Variants in SMARCC1 observed in about 807,000 individuals in gnomAD.
SMARCC1 encodes SWI/SNF related BAF chromatin remodeling complex subunit C1.
SMARCC1 carries 43 observed loss-of-function variants against 147.4 expected under a neutral mutation model. The ratio of observed to expected loss-of-function variants is 0.29; its 90% CI spans 0.23 to 0.38. SMARCC1 has a LOEUF of 0.38. Among genes scored for constraint, SMARCC1 ranks in the 10% least tolerant of loss-of-function variants. The probability of loss-of-function intolerance (pLI) is 1.00; values close to 1 mark genes in which losing one functional copy is unlikely to be tolerated. For synonymous variants in SMARCC1, 495 were observed against 484.4 expected (o/e 1.02, Z -0.29); for missense variants, 1,119 against 1,381.1 (o/e 0.81, Z 3.01).
In SMARCC1 at chr3:47,701,945, A is replaced by C. The variant is rs1451330236; in HGVS notation, c.1041-543T>G. On this transcript the variant is annotated intron_variant, in intron 10 of 27. Coordinates refer to ENST00000254480, the MANE Select transcript of SMARCC1 (RefSeq NM_003074.4). ...GCATAAAAAATGGGCAAAAAATCCT[A>C]CTAGACAATTGCGGGCAGTATCACA... Among the ~76,000 whole-genome samples the C allele has an allele frequency of 2.0e-5, 3 of 152,186 alleles. No homozygotes were observed. The East Asian group carries it at 5.8e-4, about 29-fold the overall frequency.
At chr3:47,599,288 C>T (rs1480095911) in intron 26 of SMARCC1, among the ~76,000 whole-genome samples, 1 of 151,890 alleles carries the variant, frequency 6.6e-6, no homozygotes, top group African/African-American at 2.4e-5. Flanking sequence ...GAAGCTGAGG[C>T]AAGAGAATCA....
chr3:47,705,418 A>T (rs1319104504), intron 10 of SMARCC1, among the ~76,000 whole-genome samples: 1 of 152,080 alleles, frequency 6.6e-6, no homozygotes, highest in Non-Finnish European at 1.5e-5. Flanking sequence ...TTCATGTCAT[A>T]ATATGTGTGG....
At chr3:47,713,583 A>G (rs1411034417) in intron 8 of SMARCC1, among the ~76,000 whole-genome samples, 2 of 151,674 alleles carry the variant, frequency 1.3e-5, no homozygotes, top group Admixed American at 1.3e-4. Flanking sequence ...GGCACTTGAC[A>G]TTATGCTCAG....
At chr3:47,687,157 A>G (rs953032214) in intron 13 of SMARCC1, among the ~76,000 whole-genome samples, 47 of 152,358 alleles carry the variant, frequency 3.1e-4, no homozygotes, top group African/African-American at 1.1e-3. Flanking sequence ...GTAAAAAGGA[A>G]TAAATTTAAA....
intron 25 of SMARCC1, chr3:47,610,676 T>TG (rs1243887112): frequency 3.6e-6 from 1 of 274,860 alleles, no homozygotes; most frequent in East Asian, 8.2e-5. Flanking sequence ...TATGGCTGTC[T>TG]GAGTCTTCCC....
At chr3:47,689,511 C>T in intron 12 of SMARCC1, 87 bp from the exon 13 acceptor site, 1 of 1,092,570 alleles carries the variant, frequency 9.2e-7, no homozygotes. Flanking sequence ...AGAACTGATA[C>T]TGGACAGAGA....
chr3:47,671,225 G>C (rs1397641968), intron 18 of SMARCC1, among the ~76,000 whole-genome samples: 7 of 51,298 alleles, frequency 1.4e-4, no homozygotes, highest in Non-Finnish European at 3.2e-4. Flanking sequence ...AACCAAAAAA[G>C]ACTTCCTGCT....
intron 5 of SMARCC1, 145 bp downstream of exon 5, chr3:47,735,889 A>G (rs899747702): frequency 2.1e-6 from 1 of 475,810 alleles, no homozygotes; most frequent in Non-Finnish European, 3.7e-6. Context: ...AGAAAAAAAA[A>G]AAAAAAACTC....
intron 3 of SMARCC1, among the ~76,000 whole-genome samples, chr3:47,744,625 C>T (rs2034546926): frequency 6.6e-6 from 1 of 152,054 alleles, no homozygotes; most frequent in Admixed American, 6.6e-5. Context: ...AGGTTATAAA[C>T]TGTGCACCAC....
At chr3:47,775,923 A>G (rs2034969619) in intron 1 of SMARCC1, among the ~76,000 whole-genome samples, 1 of 152,060 alleles carries the variant, frequency 6.6e-6, no homozygotes, top group African/African-American at 2.4e-5. Flanking sequence ...CAAGGTGGAC[A>G]GATCACTTGA....
chr3:47,646,268 T>C (rs2033120177), intron 21 of SMARCC1, among the ~76,000 whole-genome samples: 1 of 152,212 alleles, frequency 6.6e-6, no homozygotes. Flanking sequence ...TTATATCTCT[T>C]GAAAAAAGAA....
intron 5 of SMARCC1, among the ~76,000 whole-genome samples, chr3:47,735,561 G>C (rs942885034): frequency 2.0e-5 from 3 of 152,090 alleles, no homozygotes; most frequent in African/African-American, 4.8e-5. Flanking sequence ...CTCGAGGTCA[G>C]GAGTTCGAGA....
intron 10 of SMARCC1, 112 bp downstream of exon 10, chr3:47,706,297 A>G: frequency 1.0e-6 from 1 of 987,848 alleles, no homozygotes; most frequent in Non-Finnish European, 1.4e-6. Context: ...GATTTGAACT[A>G]CTGACCTCAG....
chr3:47,662,661 TTAGA>T, intron 19 of SMARCC1, 69 bp from the exon 20 acceptor site: 8 of 1,308,612 alleles, frequency 6.1e-6, no homozygotes, highest in Non-Finnish European at 7.5e-6. Context: ...TAGAAGTTCT[TTAGA>T]TAGCTTTTTT....
chr3:47,723,686 G>A (rs2106814013), intron 6 of SMARCC1, among the ~76,000 whole-genome samples: 1 of 152,116 alleles, frequency 6.6e-6, no homozygotes, highest in South Asian at 2.1e-4. Flanking sequence ...GGTGGCGGGG[G>A]CCTGTAATCC....
At chr3:47,671,481 T>C (rs993932938) in intron 18 of SMARCC1, among the ~76,000 whole-genome samples, 7 of 152,164 alleles carry the variant, frequency 4.6e-5, no homozygotes, top group African/African-American at 1.7e-4. Flanking sequence ...TAAGCCCATA[T>C]TATCTCATTT....
intron 10 of SMARCC1, among the ~76,000 whole-genome samples, chr3:47,705,428 G>T (rs1200926173): frequency 6.6e-6 from 1 of 152,030 alleles, no homozygotes; most frequent in Non-Finnish European, 1.5e-5. Flanking sequence ...AATATGTGTG[G>T]GCTCAAAAAC....
chr3:47,624,523 G>T (rs922206666), intron 24 of SMARCC1, among the ~76,000 whole-genome samples: 2 of 152,082 alleles, frequency 1.3e-5, no homozygotes, highest in African/African-American at 4.8e-5. Flanking sequence ...CAACTCTGAG[G>T]GCTAATGAAT....
intron 25 of SMARCC1, among the ~76,000 whole-genome samples, chr3:47,616,480 T>C (rs996307100): frequency 6.6e-6 from 1 of 152,052 alleles, no homozygotes; most frequent in Admixed American, 6.6e-5. Context: ...AGTTTCGCTA[T>C]TGTCACCCAG....
Sources: allele counts gnomAD v4.1 joint callset (sites outside exome capture counted in the v4.1 genomes callset), GRCh38; gene constraint gnomAD v4.1.1; transcripts MANE v1.5; gene names NCBI Gene and HGNC (gene_info 2026-07-23, HGNC 2026-07-21).